Variants in EFCAB6 observed in about 807,000 individuals in gnomAD.
The protein encoded by EFCAB6 is EF-hand calcium binding domain 6.
A neutral mutation model predicts 169.8 loss-of-function variants in EFCAB6; 156 were observed. That is an observed-to-expected ratio of 0.92 (90% confidence interval 0.81 to 1.05). EFCAB6 has a LOEUF of 1.05. Among genes scored for constraint, EFCAB6 ranks in the 50% least tolerant of loss-of-function variants. EFCAB6 has a pLI of 0.00. For missense variants in EFCAB6, 1,800 were observed against 1,829.1 expected (o/e 0.98, Z 0.29); for synonymous variants, 698 against 676.4 (o/e 1.03, Z -0.50).
intron 17 of EFCAB6, among the ~76,000 whole-genome samples, chr22:43,645,596 T>C (rs2056103938): frequency 6.6e-6 from 1 of 152,258 alleles, no homozygotes; most frequent in African/African-American, 2.4e-5. Flanking sequence ...TGCATACCCA[T>C]ATTTTAAGGG....
chr22:43,759,671 T>C (rs900699608), intron 5 of EFCAB6: 1 of 152,220 alleles, frequency 6.6e-6, no homozygotes, highest in Non-Finnish European at 1.5e-5. Flanking sequence ...ATTTTGCCCT[T>C]ACCAGCTCTC....
chr22:43,777,088 T>C (rs1181538556), intron 3 of EFCAB6, among the ~76,000 whole-genome samples: 1 of 152,122 alleles, frequency 6.6e-6, no homozygotes, highest in Non-Finnish European at 1.5e-5. Flanking sequence ...GTTTTGCTGA[T>C]GGATTGGCTG....
intron 27 of EFCAB6, among the ~76,000 whole-genome samples, chr22:43,549,174 C>T (rs1042367705): frequency 1.3e-5 from 2 of 152,004 alleles, no homozygotes; most frequent in Non-Finnish European, 2.9e-5. Context: ...AGAAGAACAG[C>T]TGAAATCAGA....
intron 4 of EFCAB6, among the ~76,000 whole-genome samples, chr22:43,768,071 TGG>T (rs2061370683): frequency 6.6e-6 from 1 of 152,230 alleles, no homozygotes; most frequent in African/African-American, 2.4e-5. Context: ...GCACAACCAC[TGG>T]GATGAAAACA....
chr22:43,647,696 A>G (rs2056249486), intron 17 of EFCAB6, among the ~76,000 whole-genome samples: 1 of 152,240 alleles, frequency 6.6e-6, no homozygotes, highest in Non-Finnish European at 1.5e-5. Context: ...TCCTTAGAAC[A>G]AGAGAGAAAT....
intron 6 of EFCAB6, among the ~76,000 whole-genome samples, chr22:43,743,385 G>A (rs2147763620): frequency 6.6e-6 from 1 of 152,306 alleles, no homozygotes; most frequent in African/African-American, 2.4e-5. Flanking sequence ...GGGACCTGAA[G>A]GGCAGAATGA....
chr22:43,719,186 G>C (rs531439296), intron 8 of EFCAB6, among the ~76,000 whole-genome samples: 1 of 152,130 alleles, frequency 6.6e-6, no homozygotes, highest in Non-Finnish European at 1.5e-5. Context: ...GACAGCACTC[G>C]GTACGGTGTA....
intron 21 of EFCAB6, among the ~76,000 whole-genome samples, chr22:43,611,828 T>G (rs967591071): frequency 6.6e-6 from 1 of 152,040 alleles, no homozygotes; most frequent in Non-Finnish European, 1.5e-5. Flanking sequence ...AAAATTCATA[T>G]GGAACCAAAA....
intron 13 of EFCAB6, among the ~76,000 whole-genome samples, chr22:43,677,642 C>T (rs537256551): frequency 3.3e-5 from 5 of 152,048 alleles, no homozygotes; most frequent in South Asian, 2.1e-4. Flanking sequence ...AGAGACTCGA[C>T]GGAGAGAGAC....
rs902219273 is a variant in EFCAB6, at chr22:43,795,024, C to T, written c.-7-12699G>A. On this transcript the variant is annotated intron_variant, in intron 2 of 31. Coordinates refer to ENST00000262726, the MANE Select transcript of EFCAB6 (RefSeq NM_022785.4). This position sits in a 1 kb window ranked among gnomAD's most constrained non-coding sequence, Gnocchi z 4.2. ...GACACAGTCTCCCTCCACCAAGGAG[C>T]TCCCCAGGCCCTGTACAGCCCCTTG... 3.5e-4 allele frequency among the ~76,000 whole-genome samples: 54 copies of T among 152,322 alleles called. No homozygotes were observed. The highest frequency in any genetic ancestry group is 3.4e-3 in the Middle Eastern group (1 of 292).
At chr22:43,750,743 CTGAT>C (rs2060728597) in intron 6 of EFCAB6, among the ~76,000 whole-genome samples, 1 of 152,174 alleles carries the variant, frequency 6.6e-6, no homozygotes, top group African/African-American at 2.4e-5. Context: ...ATTCTAACAA[CTGAT>C]TCTTTATCCC....
At chr22:43,531,116 C>T in intron 30 of EFCAB6, 152 bp from the exon 31 acceptor site, 1 of 1,024,824 alleles carries the variant, frequency 9.8e-7, no homozygotes, top group Non-Finnish European at 1.4e-6. Context: ...GGGAGCCTGC[C>T]AGAACTCGTC....
intron 21 of EFCAB6, among the ~76,000 whole-genome samples, chr22:43,615,550 C>T (rs914296855): frequency 3.3e-5 from 5 of 152,138 alleles, no homozygotes; most frequent in Non-Finnish European, 7.4e-5. Context: ...TTTGCACCAA[C>T]CAAATAAATT....
intron 10 of EFCAB6, among the ~76,000 whole-genome samples, chr22:43,708,489 G>A (rs2059040311): frequency 6.6e-6 from 1 of 151,890 alleles, no homozygotes; most frequent in Non-Finnish European, 1.5e-5. Flanking sequence ...CAAAATAAGA[G>A]GTAGGGGGAA....
At chr22:43,667,419 G>C (rs1304204059) in intron 16 of EFCAB6, 147 bp from the exon 17 acceptor site, 6 of 1,020,286 alleles carry the variant, frequency 5.9e-6, no homozygotes, top group Non-Finnish European at 8.5e-6. Flanking sequence ...GAGTGACTCA[G>C]GGGCTTCTTA....
chr22:43,597,486 T>C (rs1569221516), intron 23 of EFCAB6, among the ~76,000 whole-genome samples: 2 of 152,270 alleles, frequency 1.3e-5, no homozygotes, highest in Admixed American at 6.5e-5. Context: ...CCAAGAGGTA[T>C]GTGAAAAATG....
At chr22:43,790,568 C>T (rs1055482965) in intron 2 of EFCAB6, among the ~76,000 whole-genome samples, 2 of 152,138 alleles carry the variant, frequency 1.3e-5, no homozygotes, top group Non-Finnish European at 2.9e-5. Flanking sequence ...GGGAACCATG[C>T]AGTTAGGAAG....
Position 43,689,207 on chromosome 22 carries a change from CG to C in EFCAB6, c.1032-1627del, listed in dbSNP as rs200891893. ...TAGCCATTGAGAACAAAAAATTTTG[CG>C]GGGGGGCGCAGGGCCGGAGGCAGGG... is the stretch of plus-strand genomic sequence containing the variant. On this transcript the variant is annotated intron_variant, in intron 10 of 31. Transcript: ENST00000262726. Among the ~76,000 whole-genome samples the C allele has an allele frequency of 3.8e-4, 57 of 151,034 alleles. No homozygotes were observed. In the East Asian group the frequency reaches 9.6e-3, roughly 25 times the overall value.
chr22:43,549,600 A>G (rs143321267), intron 27 of EFCAB6, among the ~76,000 whole-genome samples: 3 of 152,348 alleles, frequency 2.0e-5, no homozygotes, highest in East Asian at 1.9e-4. Flanking sequence ...ATTTCTACTC[A>G]ATGTTCAATA....
Sources: gnomAD v4.1 joint callset for allele counts (sites outside exome capture counted in the v4.1 genomes callset) on GRCh38, gnomAD v4.1.1 for gene constraint, Gnocchi (gnomAD v3.1) non-coding constraint, MANE v1.5 for transcripts, NCBI Gene and HGNC (gene_info 2026-07-23, HGNC 2026-07-21) for gene names.